Variants in CBLIF observed in about 807,000 individuals in gnomAD.
CBLIF encodes the protein cobalamin binding intrinsic factor.
CBLIF carries 24 observed loss-of-function variants against 44.9 expected under a neutral mutation model. The ratio of observed to expected loss-of-function variants is 0.53; its 90% CI spans 0.39 to 0.75. CBLIF has a LOEUF of 0.75. Ranked by LOEUF, CBLIF falls within the 30% of genes least tolerant of loss-of-function variation. The pLI is 0.00. For missense variants in CBLIF, 481 were observed against 513.0 expected, an observed-to-expected ratio of 0.94 and a Z score of 0.60; for synonymous variants, 183 against 190.9, an observed-to-expected ratio of 0.96 and a Z score of 0.34.
chr11:59,841,277 T>A lies in CBLIF; in HGVS notation c.559A>T (p.Ile187Phe). 6.2e-7 allele frequency: 1 copy of A among 1,613,948 alleles called. No individual in the cohort carries two copies. Among genetic ancestry groups the A allele is most frequent in the African/African-American group, 1.3e-5 (1 of 75,042 alleles). Residue 187 changes from isoleucine (I) to phenylalanine (F), a missense_variant, in exon 5 of 9, where the codon ATC becomes TTC. By Grantham distance (21) the Ile-to-Phe change is conservative (BLOSUM62 0). Transcript: ENST00000257248. The part of the protein sequence containing the change: ...TLALTCMYNK[I>F]PVGSEEGYRS... ...TAACCTTCCTCTGAACCTACAGGGA[T>A]CTTGTTGTACATACAGGTCAGAGCC...
At chr11:59,832,692 A>T (rs181874681) in intron 7 of CBLIF, among the ~76,000 whole-genome samples, 52 of 152,236 alleles carry the variant, frequency 3.4e-4, no homozygotes, top group African/African-American at 1.2e-3. Flanking sequence ...AATAAATTTT[A>T]AAAAAGCAAA....
At position 59,843,962 on chromosome 11, in the gene CBLIF, A is replaced by G; in HGVS notation, c.173T>C (p.Leu58Pro). Residue 58 changes from leucine (L) to proline (P), a missense_variant, in exon 2 of 9, where the codon CTG (leucine) becomes CCG (proline). Leu to Pro is a moderately conservative substitution (Grantham distance 98). Transcript: ENST00000257248. ...GGCTCCGGCCAGATTCATGGCAATCAGGATGCTGGGGTTTGGGTAGGCTGA... is the reference window on the plus strand; with the variant it reads ...GGCTCCGGCCAGATTCATGGCAATCGGGATGCTGGGGTTTGGGTAGGCTGA... ...TSSAYPNPSI[L>P]IAMNLAGAYN... 6.2e-7 allele frequency: 1 copy of G among 1,613,156 alleles called. No individual in the cohort carries two copies. The highest frequency in any genetic ancestry group is 8.5e-7 in the Non-Finnish European group (1 of 1,179,174).
rs537464570 is a variant in CBLIF, at chr11:59,839,257, C to T, written c.693+1886G>A. On this transcript the variant is annotated intron_variant, in intron 5 of 8. Coordinates refer to ENST00000257248, the MANE Select transcript of CBLIF (RefSeq NM_005142.3). ...TGGAACAGAGGAAATGCCTCATGAGCGTCTTTGGGTAGGGAAGAGTGTGGC... is the reference window on the plus strand; with the variant it reads ...TGGAACAGAGGAAATGCCTCATGAGTGTCTTTGGGTAGGGAAGAGTGTGGC... 2.6e-4 allele frequency among the ~76,000 whole-genome samples: 40 copies of T among 152,274 alleles called. No individual in the cohort carries two copies. In the South Asian group the frequency reaches 3.3e-3, roughly 13 times the overall value.
chr11:59,831,621 T>G, intron 8 of CBLIF, 57 bp downstream of exon 8: 1 of 797,514 alleles, frequency 1.3e-6, no homozygotes. Context: ...AAAAAATAAT[T>G]AAAGAATGTA....
At chr11:59,839,410 T>G (rs1419329339) in intron 5 of CBLIF, among the ~76,000 whole-genome samples, 1 of 152,200 alleles carries the variant, frequency 6.6e-6, no homozygotes, top group Non-Finnish European at 1.5e-5. Flanking sequence ...TATGCATGCA[T>G]TTTTTTGCAT....
intron 8 of CBLIF, among the ~76,000 whole-genome samples, chr11:59,830,744 T>C (rs1424978626): frequency 6.6e-6 from 1 of 152,192 alleles, no homozygotes; most frequent in Non-Finnish European, 1.5e-5. Context: ...AATAACCCAA[T>C]AAATGATTAA....
At position 59,845,448 on chromosome 11, in the gene CBLIF, G is replaced by T; in HGVS notation, c.6C>A (p.Ala2=). Reference sequence around the variant, plus strand: ...GGCTCAGGAGGTAGAGGGCAAACCAGGCCATCTCACTCTCTCGTCTATGTC... The same window carrying T: ...GGCTCAGGAGGTAGAGGGCAAACCATGCCATCTCACTCTCTCGTCTATGTC... The part of the protein sequence containing the change: M[A]WFALYLLSLL... Residue 2 remains alanine, a synonymous_variant, in exon 1 of 9, where the codon GCC becomes GCA. Transcript: ENST00000257248. 6.2e-7 allele frequency: 1 copy of T among 1,605,188 alleles called. No homozygotes were observed. Among genetic ancestry groups the T allele is most frequent in the Non-Finnish European group, 8.5e-7 (1 of 1,172,140 alleles).
chr11:59,835,753 A>G (rs1300399631), intron 7 of CBLIF, 55 bp downstream of exon 7: 3 of 1,359,160 alleles, frequency 2.2e-6, no homozygotes, highest in Non-Finnish European at 2.1e-6. Context: ...TGGATAAAAA[A>G]TGGGAATTCA....
chr11:59,838,846 T>A (rs1866486828), intron 5 of CBLIF, among the ~76,000 whole-genome samples: 1 of 148,278 alleles, frequency 6.7e-6, no homozygotes, highest in Non-Finnish European at 1.5e-5. Context: ...TTTTCTTTCT[T>A]TCTTTTTTTT....
Position 59,837,267 on chromosome 11 carries a change from C to T in CBLIF, c.778G>A (p.Gly260Arg), listed in dbSNP as rs756139879. 1.2e-6 allele frequency: 2 copies of T among 1,613,170 alleles called. No homozygotes were observed. The highest frequency in any genetic ancestry group is 1.7e-6 in the Non-Finnish European group (2 of 1,179,158). ...TDMILNEIKQGKFHNPMSIAQ... is the reference protein window; with the variant it reads ...TDMILNEIKQRKFHNPMSIAQ... The stretch of plus-strand genomic sequence containing the variant: ...ATGGACATGGGGTTGTGGAATTTCC[C>T]CTGCTTAATCTCATTGAGTATCATA... The change falls in exon 6 of 9, where the codon GGG (glycine) becomes AGG (arginine). Residue 260 changes from glycine to arginine, a missense_variant. Coordinates refer to ENST00000257248, the MANE Select transcript of CBLIF (RefSeq NM_005142.3).
intron 2 of CBLIF, 112 bp from the exon 3 acceptor site, chr11:59,843,253 A>C (rs1445874685): frequency 1.4e-6 from 1 of 713,934 alleles, no homozygotes; most frequent in African/African-American, 1.8e-5. Context: ...CTTTTTAATA[A>C]TATGAGCAGT....
chr11:59,838,471 G>C (rs921575644), intron 5 of CBLIF, among the ~76,000 whole-genome samples: 1 of 152,126 alleles, frequency 6.6e-6, no homozygotes, highest in Non-Finnish European at 1.5e-5. Flanking sequence ...TGGTTCACCT[G>C]AAGCTTGGAA....
At position 59,837,174 on chromosome 11, in the gene CBLIF, C is replaced by A. The variant is rs1866466524; in HGVS notation, c.871G>T (p.Asp291Tyr). 6.2e-7 allele frequency: 1 copy of A among 1,612,298 alleles called. No homozygotes were observed. Among genetic ancestry groups the A allele is most frequent in the African/African-American group, 1.3e-5 (1 of 74,876 alleles). ...LDVPQVTCSPDHEVQPTLPSN... is the reference protein window; with the variant it reads ...LDVPQVTCSPYHEVQPTLPSN... The stretch of plus-strand genomic sequence containing the variant: ...ACATAAGGAGAGGTGGATGTCTTAC[C>A]AGGACTACAAGTGACCTGGGGCACA... Residue 291 changes from aspartate to tyrosine, a missense_variant and splice_region_variant, in exon 6 of 9, where the codon GAT (aspartate) becomes TAT (tyrosine). Transcript: ENST00000257248.
rs1285710482 is a variant in CBLIF, at chr11:59,829,596, C to T, written c.1193-51G>A. On this transcript the variant is annotated intron_variant, in intron 8 of 8. Transcript: ENST00000257248. The stretch of plus-strand genomic sequence containing the variant: ...AGGTGACTGTGGTGCATGTAACCAC[C>T]TCCATCCCCCAAGGGATGCAGTGAG... 3.7e-5 allele frequency: 41 copies of T among 1,095,848 alleles called. No homozygotes were observed. The South Asian group carries it at 4.2e-4, about 11-fold the overall frequency. The allele number at this position is 1,095,848 out of a possible 1,614,324, so 67.9% of individuals were successfully genotyped here.
chr11:59,834,219 T>C (rs1308806141), intron 7 of CBLIF, among the ~76,000 whole-genome samples: 19 of 147,110 alleles, frequency 1.3e-4, no homozygotes, highest in African/African-American at 4.6e-4. Context: ...AGCCTGCCTT[T>C]CTGTTTCTTT....
In CBLIF at chr11:59,844,043, G is replaced by C. The variant is rs1427477249; in HGVS notation, c.92C>G (p.Ala31Gly). ...TATTCCATTGACCAAGGGCTCCTGT[G>C]CTGAGGGAACGGCTGAGAAGAGGAA... The part of the protein sequence containing the change: ...QTQSSCSVPS[A>G]QEPLVNGIQV... Residue 31 changes from alanine (A) to glycine (G), a missense_variant, in exon 2 of 9, where the codon GCA becomes GGA. Coordinates refer to ENST00000257248, the MANE Select transcript of CBLIF (RefSeq NM_005142.3). The C allele has an allele frequency of 6.2e-7, 1 of 1,613,456 alleles. No individual in the cohort carries two copies. Among genetic ancestry groups the C allele is most frequent in the Non-Finnish European group, 8.5e-7 (1 of 1,179,406 alleles).
intron 5 of CBLIF, chr11:59,840,892 AT>A (rs914297998): frequency 6.1e-5 from 26 of 424,376 alleles, no homozygotes; most frequent in Middle Eastern, 6.7e-4. Flanking sequence ...TATTTGTTTC[AT>A]TTTTTTTCCC....
chr11:59,839,593 T>C (rs1032904347), intron 5 of CBLIF, among the ~76,000 whole-genome samples: 3 of 152,226 alleles, frequency 2.0e-5, no homozygotes, highest in Non-Finnish European at 2.9e-5. Flanking sequence ...GAAAATATTA[T>C]ATATTAGACA....
At chr11:59,834,248 CTT>C (rs1435371631) in intron 7 of CBLIF, among the ~76,000 whole-genome samples, 1 of 80,604 alleles carries the variant, frequency 1.2e-5, no homozygotes, top group Non-Finnish European at 2.6e-5. Context: ...CTTTTTCTTT[CTT>C]TCTTTCTTTC....
Sources: allele counts gnomAD v4.1 joint callset (sites outside exome capture counted in the v4.1 genomes callset), GRCh38; gene constraint gnomAD v4.1.1; transcripts MANE v1.5; gene names NCBI Gene and HGNC (gene_info 2026-07-23, HGNC 2026-07-21).